Variants in KLHDC4 observed in about 807,000 individuals in gnomAD.
KLHDC4 encodes kelch domain containing 4, also known as kelch domain-containing protein 4.
A neutral mutation model predicts 62.4 loss-of-function variants in KLHDC4; 90 were observed. The observed-to-expected ratio is 1.44, with a 90% CI of 1.22 to 1.72. KLHDC4 has a LOEUF of 1.72. KLHDC4 is among the 40% of genes most tolerant of loss of function. The probability of loss-of-function intolerance (pLI) is 0.00; values close to 1 mark genes in which losing one functional copy is unlikely to be tolerated. For synonymous variants in KLHDC4, 386 were observed against 284.4 expected (o/e 1.36, Z -3.59); for missense variants, 1,025 against 699.7 (o/e 1.47, Z -5.25).
At chr16:87,735,315 A>G (rs865801349) in intron 5 of KLHDC4, among the ~76,000 whole-genome samples, 1 of 129,838 alleles carries the variant, frequency 7.7e-6, no homozygotes, top group African/African-American at 4.1e-5. Context: ...AAAAAAAAAG[A>G]AAAAAAAAAA....
intron 9 of KLHDC4, chr16:87,709,892 G>C: frequency 1.7e-6 from 1 of 579,832 alleles, no homozygotes; most frequent in Non-Finnish European, 3.0e-6. Context: ...GGCTGGGGCA[G>C]AAAACCCCCC....
At chr16:87,762,309 T>TA (rs2046004465) in intron 1 of KLHDC4, among the ~76,000 whole-genome samples, 2 of 152,326 alleles carry the variant, frequency 1.3e-5, no homozygotes, top group South Asian at 4.1e-4. Flanking sequence ...ACCTTCCACT[T>TA]AGACAAGCCC....
chr16:87,762,976 G>A (rs1310834450), intron 1 of KLHDC4, among the ~76,000 whole-genome samples: 1 of 151,984 alleles, frequency 6.6e-6, no homozygotes, highest in Non-Finnish European at 1.5e-5. Flanking sequence ...TTCCTTCAAT[G>A]AAAACGCCAG....
chr16:87,705,213 C>T (rs149589829), downstream of KLHDC4, among the ~76,000 whole-genome samples: 332 of 152,318 alleles, frequency 2.2e-3, 1 homozygote, highest in African/African-American at 7.7e-3. Flanking sequence ...GACAGAGGCC[C>T]TGGGCTTTCG....
At chr16:87,761,601 T>C (rs904077966) in intron 2 of KLHDC4, among the ~76,000 whole-genome samples, 10 of 152,242 alleles carry the variant, frequency 6.6e-5, no homozygotes, top group Admixed American at 5.9e-4. Flanking sequence ...GCCACAGTGA[T>C]TTTCAGCTTT....
intron 4 of KLHDC4, among the ~76,000 whole-genome samples, chr16:87,753,551 G>A (rs993409804): frequency 6.6e-6 from 1 of 152,110 alleles, no homozygotes; most frequent in Non-Finnish European, 1.5e-5. Context: ...TGTAATCTCA[G>A]CACTTTGGGA....
At chr16:87,761,867 C>T in intron 2 of KLHDC4, 82 bp downstream of exon 2, 4 of 1,345,750 alleles carry the variant, frequency 3.0e-6, no homozygotes, top group East Asian at 2.3e-5. Flanking sequence ...TGGTCATTTA[C>T]GAAACCTGGT....
intron 5 of KLHDC4, chr16:87,730,939 A>C (rs1229036011): frequency 2.9e-5 from 7 of 240,712 alleles, no homozygotes; most frequent in Non-Finnish European, 4.8e-5. Flanking sequence ...CAACATAAAA[A>C]ACTTCAAAAA....
At position 87,709,683 on chromosome 16, in the gene KLHDC4, G is replaced by A. The variant is rs938431994; in HGVS notation, c.1045-16C>T. The stretch of plus-strand genomic sequence containing the variant: ...ACTTGGGTCCCTATTAATAGACCGA[G>A]GAAGCAGAGAGCAGCAGCTTCAGCG... On this transcript the variant is annotated splice_polypyrimidine_tract_variant and intron_variant, in intron 9 of 11. Transcript: ENST00000270583. The A allele has an allele frequency of 6.4e-7, 1 of 1,566,772 alleles. No individual in the cohort carries two copies. The highest frequency in any genetic ancestry group is 8.7e-7 in the Non-Finnish European group (1 of 1,154,318).
At chr16:87,729,602 C>T (rs890821291) in intron 6 of KLHDC4, among the ~76,000 whole-genome samples, 1 of 152,222 alleles carries the variant, frequency 6.6e-6, no homozygotes, top group African/African-American at 2.4e-5. Context: ...ATAACGTGAG[C>T]AGATAACAGG....
chr16:87,705,348 C>G (rs557225789), downstream of KLHDC4, among the ~76,000 whole-genome samples: 1 of 152,256 alleles, frequency 6.6e-6, no homozygotes, highest in Admixed American at 6.5e-5. Context: ...AATCCACCAC[C>G]CTGTGTTGTG....
At position 87,711,406 on chromosome 16, in the gene KLHDC4, G is replaced by A. The variant is rs1192833892; in HGVS notation, c.873C>T (p.Val291=). ...WVWTRMNPSG[V]KPTPRSGFSV... is the part of the protein sequence containing the mutation. The stretch of plus-strand genomic sequence containing the variant: ...AAAAGCCAGACCGTGGGGTGGGCTT[G>A]ACCCCCGAAGGGTTCATCCGAGTCC... The change falls in exon 9 of 12, where the codon GTC becomes GTT. Residue 291 remains valine (V), a synonymous_variant. Coordinates refer to ENST00000270583, the MANE Select transcript of KLHDC4 (RefSeq NM_017566.4). 6.2e-7 allele frequency: 1 copy of A among 1,613,156 alleles called. No individual in the cohort carries two copies. Among genetic ancestry groups the A allele is most frequent in the East Asian group, 2.2e-5 (1 of 44,874 alleles).
chr16:87,725,565 A>T lies in KLHDC4; in HGVS notation c.759+1200T>A, dbSNP rs540701613. Among the ~76,000 whole-genome samples, 23 of 152,320 alleles carry T rather than the reference A, an allele frequency of 1.5e-4. No homozygotes were observed. In the South Asian group the frequency reaches 1.7e-3, roughly 11 times the overall value. Reference sequence around the variant, plus strand: ...AGCTGTGGTTGAAAATTTTCAAAATACAAAGGATTTTTTAAACCCCTACAG... The same window carrying T: ...AGCTGTGGTTGAAAATTTTCAAAATTCAAAGGATTTTTTAAACCCCTACAG... On this transcript the variant is annotated intron_variant, in intron 7 of 11. Coordinates refer to ENST00000270583, the MANE Select transcript of KLHDC4 (RefSeq NM_017566.4).
Position 87,752,337 on chromosome 16 carries a change from T to G in KLHDC4, c.369+2857A>C, listed in dbSNP as rs1017840092. Among the ~76,000 whole-genome samples, 7 of 133,524 alleles carry G rather than the reference T, an allele frequency of 5.2e-5. No individual in the cohort carries two copies. The South Asian group carries it at 1.9e-3, about 36-fold the overall frequency. 87.6% of individuals were successfully genotyped at this position (133,524 alleles called of 152,430 possible). A position where few individuals can be genotyped will look rare whatever the true frequency, so the allele number is the denominator to read the frequency against. On this transcript the variant is annotated intron_variant, in intron 4 of 11. Coordinates refer to ENST00000270583, the MANE Select transcript of KLHDC4 (RefSeq NM_017566.4). ...CAATCCGATCCACAGCACTGTTTTT[T>G]CTTTTTTTTTTTTTTTGGAGACAGA...
intron 8 of KLHDC4, among the ~76,000 whole-genome samples, chr16:87,712,442 G>A (rs190764355): frequency 1.5e-3 from 222 of 152,344 alleles, no homozygotes; most frequent in African/African-American, 5.1e-3. Context: ...GCCACACAGG[G>A]CAGGACCCTC....
intron 4 of KLHDC4, chr16:87,750,244 T>G (rs1000542909): frequency 6.6e-6 from 1 of 152,216 alleles, no homozygotes; most frequent in African/African-American, 2.4e-5. Context: ...AACCTGCAAA[T>G]TAAGCAGTAG....
At chr16:87,760,444 A>G (rs2045692045) in intron 2 of KLHDC4, among the ~76,000 whole-genome samples, 1 of 151,244 alleles carries the variant, frequency 6.6e-6, no homozygotes. Context: ...CGTCTCTACT[A>G]AAAACACAAA....
At chr16:87,734,909 G>A (rs1185298880) in intron 5 of KLHDC4, among the ~76,000 whole-genome samples, 1 of 150,998 alleles carries the variant, frequency 6.6e-6, no homozygotes, top group African/African-American at 2.4e-5. Context: ...AGAAAAGAAC[G>A]CCCCTCCCCC....
intron 4 of KLHDC4, among the ~76,000 whole-genome samples, chr16:87,749,967 C>T (rs964055226): frequency 2.6e-5 from 4 of 152,184 alleles, no homozygotes; most frequent in East Asian, 1.9e-4. Context: ...GGGCCACACA[C>T]GGCAAAGCAC....
Sources: gnomAD v4.1 joint callset for allele counts (sites outside exome capture counted in the v4.1 genomes callset) on GRCh38, gnomAD v4.1.1 for gene constraint, MANE v1.5 for transcripts, NCBI Gene and HGNC (gene_info 2026-07-23, HGNC 2026-07-21) for gene names.